Variants in ARGLU1 observed in about 807,000 individuals in gnomAD.
ARGLU1 encodes arginine and glutamate rich 1.
In ARGLU1, 9 loss-of-function variants were observed where a neutral mutation model predicts 37.6. The observed-to-expected ratio is 0.24, with a 90% CI of 0.14 to 0.42. ARGLU1 has a LOEUF of 0.42. Among genes scored for constraint, ARGLU1 ranks in the 10% least tolerant of loss-of-function variants. ARGLU1 has a pLI of 1.00. For missense variants in ARGLU1, 211 were observed against 359.2 expected (o/e 0.59, Z 3.34); for synonymous variants, 166 against 138.5 (o/e 1.20, Z -1.39).
intron 1 of ARGLU1, among the ~76,000 whole-genome samples, chr13:106,562,817 C>A (rs1880847804): frequency 6.6e-6 from 1 of 150,846 alleles, no homozygotes; most frequent in Admixed American, 6.6e-5. Context: ...CGGTGAAACC[C>A]CATCTCTACT....
Position 106,557,266 on chromosome 13 carries a change from T to C in ARGLU1, c.574-135A>G, listed in dbSNP as rs113774053. The C allele has an allele frequency of 9.8e-4, 783 of 801,186 alleles. 3 individuals carry two copies. The African/African-American group carries it at 0.012, about 12-fold the overall frequency. 49.6% of individuals were successfully genotyped at this position (801,186 alleles called of 1,614,324 possible). On this transcript the variant is annotated intron_variant, in intron 2 of 3. Coordinates refer to ENST00000400198, the MANE Select transcript of ARGLU1 (RefSeq NM_018011.4). This position sits in a 1 kb window ranked among gnomAD's most constrained non-coding sequence, Gnocchi z 5.0. ...TTATAGCTACCTTCTGTCTGACAAA[T>C]GATAAACTGTGCAGTCACTAAAATT...
intron 3 of ARGLU1, among the ~76,000 whole-genome samples, chr13:106,549,213 T>C (rs1718457430): frequency 6.6e-6 from 1 of 152,228 alleles, no homozygotes; most frequent in African/African-American, 2.4e-5. Flanking sequence ...TTGAAATATA[T>C]GTAACTTTAT....
chr13:106,549,830 A>G (rs1468556974), intron 3 of ARGLU1, among the ~76,000 whole-genome samples: 1 of 152,224 alleles, frequency 6.6e-6, no homozygotes, highest in Non-Finnish European at 1.5e-5. Flanking sequence ...AAAAGGAGGA[A>G]GTGACTGAGA....
At position 106,567,584 on chromosome 13, in the gene ARGLU1, C is replaced by T. The variant is rs1284666045; in HGVS notation, c.336G>A (p.Arg112=). Residue 112 remains arginine, a synonymous_variant, in exon 1 of 4, where the codon CGG becomes CGA. Transcript: ENST00000400198. The surrounding 1 kb of genome is among the most constrained non-coding windows in gnomAD (Gnocchi z 4.3). ...EEEEKKAEFE[R]QRKIRQQEIE... Reference sequence around the variant, plus strand: ...GCGCGGGCACTCACATTTTTCGCTGCCGCTCGAACTCCGCTTTCTTCTCCT... The same window carrying T: ...GCGCGGGCACTCACATTTTTCGCTGTCGCTCGAACTCCGCTTTCTTCTCCT... 1.2e-6 allele frequency: 2 copies of T among 1,610,524 alleles called. No homozygotes were observed. The highest frequency in any genetic ancestry group is 1.7e-6 in the Non-Finnish European group (2 of 1,177,284).
chr13:106,549,697 C>A (rs544839189), intron 3 of ARGLU1, among the ~76,000 whole-genome samples: 20 of 152,130 alleles, frequency 1.3e-4, no homozygotes, highest in Non-Finnish European at 2.9e-4. Flanking sequence ...CTCCCTTTAC[C>A]CCCTTTTATT....
intron 2 of ARGLU1, 73 bp downstream of exon 2, chr13:106,559,359 G>A (rs1187917528): frequency 2.5e-6 from 4 of 1,593,190 alleles, no homozygotes; most frequent in Non-Finnish European, 3.4e-6. Flanking sequence ...TTTCTGAACT[G>A]AGCAGGAGGC....
In ARGLU1 at chr13:106,543,779, C is replaced by T. The variant is rs1403061169; in HGVS notation, c.*217G>A. The T allele has an allele frequency of 2.2e-6, 1 of 459,320 alleles. No individual in the cohort carries two copies. The highest frequency in any genetic ancestry group is 3.8e-6 in the Non-Finnish European group (1 of 266,580). The allele number at this position is 459,320 out of a possible 1,614,324, so 28.5% of individuals were successfully genotyped here. A position where few individuals can be genotyped will look rare whatever the true frequency, so the allele number is the denominator to read the frequency against. On this transcript the variant is annotated 3_prime_UTR_variant, in exon 4 of 4. Coordinates refer to ENST00000400198, the MANE Select transcript of ARGLU1 (RefSeq NM_018011.4). ...CCAAACAGGTGAAAAATACGTCACT[C>T]CTTAGAATACAACAATGATCTGATA...
intron 2 of ARGLU1, chr13:106,559,015 A>C: frequency 1.0e-6 from 1 of 985,460 alleles, no homozygotes; most frequent in Non-Finnish European, 1.2e-6. Context: ...TTTTAATCTG[A>C]CTGAAGGCAA....
chr13:106,555,398 C>A (rs1379000463), intron 3 of ARGLU1, among the ~76,000 whole-genome samples: 1 of 152,106 alleles, frequency 6.6e-6, no homozygotes, highest in Non-Finnish European at 1.5e-5. Context: ...TCACTCTGAT[C>A]AAATCTAAAT....
intron 1 of ARGLU1, among the ~76,000 whole-genome samples, chr13:106,560,757 C>G (rs1483563990): frequency 6.6e-6 from 1 of 152,164 alleles, no homozygotes; most frequent in Non-Finnish European, 1.5e-5. Context: ...GAGGACGATT[C>G]ATGTTCCAAC....
chr13:106,556,101 T>C (rs1260663923), intron 3 of ARGLU1, among the ~76,000 whole-genome samples: 2 of 152,218 alleles, frequency 1.3e-5, no homozygotes, highest in African/African-American at 2.4e-5. Context: ...AAAAAAGTTA[T>C]CACATACTTA....
intron 3 of ARGLU1, among the ~76,000 whole-genome samples, 188 bp from the exon 4 acceptor site, chr13:106,544,348 TACAC>T (rs930488338): frequency 1.3e-5 from 2 of 152,148 alleles, no homozygotes; most frequent in Non-Finnish European, 2.9e-5. Context: ...GGTGACAACT[TACAC>T]ACAATGGCAT....
At chr13:106,565,017 C>A (rs1268337124) in intron 1 of ARGLU1, among the ~76,000 whole-genome samples, 1 of 152,200 alleles carries the variant, frequency 6.6e-6, no homozygotes, top group Non-Finnish European at 1.5e-5. Flanking sequence ...ATCTGTCCCT[C>A]TTTTCCATTC....
chr13:106,553,408 G>C (rs376789636), intron 3 of ARGLU1, among the ~76,000 whole-genome samples: 1 of 152,104 alleles, frequency 6.6e-6, no homozygotes, highest in East Asian at 1.9e-4. Flanking sequence ...AATAATTTGA[G>C]AGTATCTTTG....
rs775846705 is a variant in ARGLU1, at chr13:106,559,135, A to G, written c.573+297T>C. ...CTCCCTGTCTCCCCACCGTCCTCCC[A>G]AAAAAGAATGTAAGTCCTGCAGCCA... On this transcript the variant is annotated intron_variant, in intron 2 of 3. Transcript: ENST00000400198. The G allele has an allele frequency of 3.5e-5, 46 of 1,319,788 alleles. 3 individuals are homozygous for G. In the South Asian group the frequency reaches 6.0e-4, roughly 17 times the overall value. 81.8% of individuals were successfully genotyped at this position (1,319,788 alleles called of 1,614,324 possible).
At chr13:106,554,021 T>TG (rs1880598165) in intron 3 of ARGLU1, among the ~76,000 whole-genome samples, 1 of 152,198 alleles carries the variant, frequency 6.6e-6, no homozygotes, top group Non-Finnish European at 1.5e-5. Context: ...CTCACACTCT[T>TG]GTCTACCTCC....
Position 106,544,126 on chromosome 13 carries a change from C to G in ARGLU1, c.692G>C (p.Arg231Thr). The G allele has an allele frequency of 6.3e-7, 1 of 1,593,016 alleles. No individual in the cohort carries two copies. The highest frequency in any genetic ancestry group is 8.5e-7 in the Non-Finnish European group (1 of 1,174,270). ...EEQLRIVEEQRKIHEERMKLE... is the reference protein window; with the variant it reads ...EEQLRIVEEQTKIHEERMKLE... The stretch of plus-strand genomic sequence containing the variant: ...TTTCATCCTTTCCTCATGAATCTTT[C>G]TTTGTTCTTCAACAATTCTCAACTG... Residue 231 changes from arginine (R) to threonine (T), a missense_variant, in exon 4 of 4, where the codon AGA becomes ACA. By Grantham distance (71) the Arg-to-Thr change is moderately conservative. Around this residue, in one of 3 missense-constraint regions of ARGLU1, gnomAD observed 80 missense variants for 158.4 expected, o/e 0.51. Transcript: ENST00000400198.
rs1880690034 is a variant in ARGLU1, at chr13:106,557,460, T to C, written c.574-329A>G. 2 of 937,774 alleles carry C rather than the reference T, an allele frequency of 2.1e-6. No homozygotes were observed. The highest frequency in any genetic ancestry group is 1.4e-6 in the Non-Finnish European group (1 of 693,292). The allele number at this position is 937,774 out of a possible 1,614,324, so 58.1% of individuals were successfully genotyped here. On this transcript the variant is annotated intron_variant, in intron 2 of 3. Coordinates refer to ENST00000400198, the MANE Select transcript of ARGLU1 (RefSeq NM_018011.4). The surrounding 1 kb of genome is among the most constrained non-coding windows in gnomAD (Gnocchi z 5.0). Reference sequence around the variant, plus strand: ...TTTACCAAATTAAAAAAATAATATATAAAATATAAATAAAGTGAATATTTG... The same window carrying C: ...TTTACCAAATTAAAAAAATAATATACAAAATATAAATAAAGTGAATATTTG...
At chr13:106,547,587 T>G (rs1880424993) in intron 3 of ARGLU1, among the ~76,000 whole-genome samples, 1 of 152,196 alleles carries the variant, frequency 6.6e-6, no homozygotes, top group Admixed American at 6.5e-5. Flanking sequence ...TGGAAAAATC[T>G]CCAAGTTACA....
Sources: gnomAD v4.1 joint callset for allele counts (sites outside exome capture counted in the v4.1 genomes callset) on GRCh38, gnomAD v4.1.1 for gene constraint, gnomAD v4.1.1 regional missense constraint, Gnocchi (gnomAD v3.1) non-coding constraint, MANE v1.5 for transcripts, NCBI Gene and HGNC (gene_info 2026-07-23, HGNC 2026-07-21) for gene names.